The following ESR2 variants were observed in gnomAD, a reference collection of about 807,000 sequenced individuals.
The protein encoded by ESR2 is estrogen receptor beta.
Under a neutral mutation model 49.6 loss-of-function variants are expected in ESR2, and 36 were observed. The observed-to-expected ratio is 0.73, with a 90% CI of 0.56 to 0.96. The LOEUF is 0.96. Among genes scored for constraint, ESR2 ranks in the 40% least tolerant of loss-of-function variants. The pLI, the probability that ESR2 is intolerant of heterozygous loss-of-function variation, is 0.00. For missense variants in ESR2, 714 were observed against 693.0 expected, an observed-to-expected ratio of 1.03 and a Z score of -0.34; for synonymous variants, 320 against 266.1, an observed-to-expected ratio of 1.20 and a Z score of -1.97.
intron 1 of ESR2, among the ~76,000 whole-genome samples, chr14:64,322,212 C>T (rs1567802399): frequency 6.6e-6 from 1 of 152,128 alleles, no homozygotes; most frequent in Non-Finnish European, 1.5e-5. Context: ...GTACCCACCA[C>T]CATGCCCAGC....
intron 6 of ESR2, among the ~76,000 whole-genome samples, chr14:64,252,743 T>TCC (rs1186053699): frequency 6.6e-6 from 1 of 152,038 alleles, no homozygotes; most frequent in Non-Finnish European, 1.5e-5. Flanking sequence ...GGGGAAACCA[T>TCC]CCCCATGATC....
chr14:64,291,446 A>G (rs1232799705), intron 1 of ESR2, among the ~76,000 whole-genome samples: 1 of 152,158 alleles, frequency 6.6e-6, no homozygotes, highest in East Asian at 1.9e-4. Flanking sequence ...TATCCTAGTT[A>G]CTACCACTGT....
At chr14:64,293,670 T>C (rs996581415) in intron 1 of ESR2, among the ~76,000 whole-genome samples, 15 of 152,210 alleles carry the variant, frequency 9.9e-5, no homozygotes, top group Admixed American at 8.5e-4. Context: ...GCCTGAGACG[T>C]GTACATCTTC....
chr14:64,283,649 G>A (rs1008533282), intron 1 of ESR2, among the ~76,000 whole-genome samples: 1 of 150,348 alleles, frequency 6.7e-6, no homozygotes, highest in Non-Finnish European at 1.5e-5. Context: ...TACTCAAGAG[G>A]CTGAGGTGTG....
At position 64,249,626 on chromosome 14, in the gene ESR2, G is replaced by T; in HGVS notation, c.1145C>A (p.Ala382Glu). 1.2e-6 allele frequency: 2 copies of T among 1,613,752 alleles called. No individual in the cohort carries two copies. Among genetic ancestry groups the T allele is most frequent in the East Asian group, 2.2e-5 (1 of 44,858 alleles). Residue 382 changes from alanine (A) to glutamate (E), a missense_variant, in exon 7 of 9, where the codon GCA (alanine) becomes GAA (glutamate). Transcript: ENST00000341099. ...GILEIFDMLL[A>E]TTSRFRELKL... is the part of the protein sequence containing the mutation. Reference sequence around the variant, plus strand: ...TAACTCTCGAAACCTTGAAGTAGTTGCCAGGAGCATGTCAAAGATTTCCAG... The same window carrying T: ...TAACTCTCGAAACCTTGAAGTAGTTTCCAGGAGCATGTCAAAGATTTCCAG...
intron 1 of ESR2, among the ~76,000 whole-genome samples, chr14:64,308,038 G>A (rs192947527): frequency 2.0e-5 from 3 of 151,224 alleles, no homozygotes; most frequent in East Asian, 2.0e-4. Context: ...TTGTTGAGAC[G>A]GGGTCTTGCT....
intron 7 of ESR2, among the ~76,000 whole-genome samples, chr14:64,242,426 AC>A (rs1306060182): frequency 1.5e-4 from 16 of 108,342 alleles, no homozygotes; most frequent in Non-Finnish European, 2.0e-4. Context: ...AACAAAAAAA[AC>A]AAAACAAACA....
intron 1 of ESR2, among the ~76,000 whole-genome samples, chr14:64,335,463 T>C (rs908043732): frequency 2.0e-5 from 3 of 152,352 alleles, no homozygotes; most frequent in African/African-American, 7.2e-5. Context: ...GGACTCTTCC[T>C]AATTTACAGA....
At chr14:64,329,228 G>T (rs1282836934) in intron 1 of ESR2, among the ~76,000 whole-genome samples, 3 of 152,096 alleles carry the variant, frequency 2.0e-5, no homozygotes, top group Non-Finnish European at 4.4e-5. Flanking sequence ...ACAACAACGA[G>T]ATCTTGTGGG....
At position 64,233,087 on chromosome 14, in the gene ESR2, C is replaced by A; in HGVS notation, c.*50G>T. ...CCCAGGCTCCTGACACACTGGAGTTCACGCTTCAGCCTGTGACCTCTGTGG... is the reference window on the plus strand; with the variant it reads ...CCCAGGCTCCTGACACACTGGAGTTAACGCTTCAGCCTGTGACCTCTGTGG... On this transcript the variant is annotated 3_prime_UTR_variant, in exon 9 of 9. Coordinates refer to ENST00000341099, the MANE Select transcript of ESR2 (RefSeq NM_001437.3). 3 of 1,580,622 alleles carry A rather than the reference C, an allele frequency of 1.9e-6. No individual in the cohort carries two copies. Among genetic ancestry groups the A allele is most frequent in the Non-Finnish European group, 2.6e-6 (3 of 1,159,156 alleles).
Position 64,233,256 on chromosome 14 carries a change from G to C in ESR2, c.1474C>G (p.Leu492Val). 1 of 1,614,192 alleles carries C rather than the reference G, an allele frequency of 6.2e-7. No homozygotes were observed. Among genetic ancestry groups the C allele is most frequent in the Non-Finnish European group, 8.5e-7 (1 of 1,180,032 alleles). ...KNVVPVYDLL[L>V]EMLNAHVLRG... ...AGCACGTGGGCATTCAGCATCTCCA[G>C]CAGCAGGTCATACACTGGGACCACA... The change falls in exon 9 of 9, where the codon CTG becomes GTG. Residue 492 changes from leucine (L) to valine (V), a missense_variant. Leu to Val is a conservative substitution (Grantham distance 32, BLOSUM62 1). Coordinates refer to ENST00000341099, the MANE Select transcript of ESR2 (RefSeq NM_001437.3).
chr14:64,334,083 A>G (rs1398500886), intron 1 of ESR2, among the ~76,000 whole-genome samples: 1 of 152,190 alleles, frequency 6.6e-6, no homozygotes, highest in African/African-American at 2.4e-5. Flanking sequence ...TTATTTTTTA[A>G]AAGAGTAAAT....
intron 1 of ESR2, chr14:64,303,426 A>C (rs2077051401): frequency 6.8e-6 from 1 of 148,124 alleles, no homozygotes; most frequent in African/African-American, 2.5e-5. Context: ...CACATCACTG[A>C]GTCAGGGTCA....
At chr14:64,269,482 G>C (rs1314622712) in intron 3 of ESR2, among the ~76,000 whole-genome samples, 2 of 152,198 alleles carry the variant, frequency 1.3e-5, no homozygotes, top group African/African-American at 4.8e-5. Flanking sequence ...CAGTGTACTA[G>C]AGTGCGCAGA....
intron 1 of ESR2, chr14:64,303,696 CATT>C (rs1405853668): frequency 2.0e-5 from 3 of 152,132 alleles, no homozygotes; most frequent in African/African-American, 7.2e-5. Context: ...GTTTTTAGAT[CATT>C]GTATATGTGT....
chr14:64,275,013 A>C (rs2076529775), intron 3 of ESR2, among the ~76,000 whole-genome samples: 1 of 152,188 alleles, frequency 6.6e-6, no homozygotes. Flanking sequence ...TTGTGGCCTA[A>C]TATATGGTAT....
chr14:64,246,450 G>A lies in ESR2; in HGVS notation c.1225+3096C>T, dbSNP rs1016035517. Among the ~76,000 whole-genome samples, 74 of 152,040 alleles carry A rather than the reference G, an allele frequency of 4.9e-4. No individual in the cohort carries two copies. In the Middle Eastern group the frequency reaches 0.01, roughly 21 times the overall value. On this transcript the variant is annotated intron_variant, in intron 7 of 8. Coordinates refer to ENST00000341099, the MANE Select transcript of ESR2 (RefSeq NM_001437.3). The stretch of plus-strand genomic sequence containing the variant: ...CCGCCATTATTGTAAGTCTCCTGAG[G>A]CCTCCCCAGCCATACTGAACTGTGA...
intron 3 of ESR2, among the ~76,000 whole-genome samples, chr14:64,272,175 A>G (rs2140778016): frequency 6.6e-6 from 1 of 152,226 alleles, no homozygotes; most frequent in East Asian, 1.9e-4. Context: ...CTTTTCATAT[A>G]CCCATTTGCC....
chr14:64,250,862 A>G (rs1250751227), intron 6 of ESR2, among the ~76,000 whole-genome samples: 1 of 151,846 alleles, frequency 6.6e-6, no homozygotes, highest in African/African-American at 2.4e-5. Flanking sequence ...AAGCACTCAC[A>G]CTCTCCCACC....
Sources: allele counts gnomAD v4.1 joint callset (sites outside exome capture counted in the v4.1 genomes callset), GRCh38; gene constraint gnomAD v4.1.1; transcripts MANE v1.5; gene names NCBI Gene and HGNC (gene_info 2026-07-23, HGNC 2026-07-21).